The following ITPR1 variants were observed in gnomAD, a reference collection of about 807,000 sequenced individuals.
ITPR1 encodes the protein inositol 1,4,5-trisphosphate-gated calcium channel ITPR1.
In ITPR1, 96 loss-of-function variants were observed where a neutral mutation model predicts 318.4. That is an observed-to-expected ratio of 0.30 (90% confidence interval 0.26 to 0.36). The LOEUF (loss-of-function observed/expected upper bound fraction) is 0.36. Among genes scored for constraint, ITPR1 ranks in the 10% least tolerant of loss-of-function variants. The pLI is 1.00. For missense variants in ITPR1, 2,440 were observed against 3,460.2 expected (o/e 0.71, Z 7.40); for synonymous variants, 1,312 against 1,289.9 (o/e 1.02, Z -0.37).
At chr3:4,602,520 C>A (rs2874847) in intron 4 of ITPR1, among the ~76,000 whole-genome samples, 103,423 of 140,294 alleles carry the variant, frequency 0.74, 37,284 homozygotes, top group Middle Eastern at 0.79. Flanking sequence ...GGGAGTGAGA[C>A]CCTCTCAGAA....
intron 4 of ITPR1, among the ~76,000 whole-genome samples, chr3:4,558,214 C>T (rs1312196149): frequency 2.6e-5 from 4 of 151,890 alleles, no homozygotes; most frequent in African/African-American, 7.3e-5. Context: ...CAATAGAATG[C>T]CTGATATGAT....
Position 4,710,553 on chromosome 3 carries a change from A to T in ITPR1, c.4991+80A>T. 1 of 1,402,926 alleles carries T rather than the reference A, an allele frequency of 7.1e-7. No homozygotes were observed. Among genetic ancestry groups the T allele is most frequent in the Non-Finnish European group, 9.7e-7 (1 of 1,034,166 alleles). The allele number at this position is 1,402,926 out of a possible 1,614,324, so 86.9% of individuals were successfully genotyped here. Reference sequence around the variant, plus strand: ...AAAGCTTTTGTTCCCGAAGAAGGAGACGTTGTCCTGTTTTTTAACTTTGAT... The same window carrying T: ...AAAGCTTTTGTTCCCGAAGAAGGAGTCGTTGTCCTGTTTTTTAACTTTGAT... On this transcript the variant is annotated intron_variant, in intron 38 of 61. Transcript: ENST00000649015. This position sits in a 1 kb window ranked among gnomAD's most constrained non-coding sequence, Gnocchi z 4.2.
intron 60 of ITPR1, among the ~76,000 whole-genome samples, chr3:4,835,299 TTTCA>T (rs1306001108): frequency 6.6e-6 from 1 of 152,020 alleles, no homozygotes; most frequent in Non-Finnish European, 1.5e-5. Flanking sequence ...TCTCATGGAG[TTTCA>T]TTATTTTAAA....
chr3:4,643,051 A>C (rs1321886201), intron 7 of ITPR1, among the ~76,000 whole-genome samples: 4 of 152,214 alleles, frequency 2.6e-5, no homozygotes, highest in Admixed American at 1.3e-4. Context: ...AAGCTTTGGG[A>C]AGTTTAAATA....
At chr3:4,798,979 T>C (rs1338260812) in intron 53 of ITPR1, among the ~76,000 whole-genome samples, 1 of 152,126 alleles carries the variant, frequency 6.6e-6, no homozygotes, top group Non-Finnish European at 1.5e-5. Context: ...ACTTTTAGAG[T>C]GATAAAAATG....
chr3:4,524,328 T>C (rs1005000122), intron 4 of ITPR1, among the ~76,000 whole-genome samples: 1 of 126,814 alleles, frequency 7.9e-6, no homozygotes, highest in Non-Finnish European at 1.7e-5. Context: ...TTTTTTTTTT[T>C]AAATGAAGAG....
chr3:4,588,565 G>A (rs775805606), intron 4 of ITPR1, among the ~76,000 whole-genome samples: 14 of 151,882 alleles, frequency 9.2e-5, no homozygotes, highest in Non-Finnish European at 1.9e-4. Flanking sequence ...TTCGGCCTTG[G>A]CTCTCATCTC....
intron 25 of ITPR1, 92 bp from the exon 26 acceptor site, chr3:4,681,272 A>T (rs4684438): frequency 8.2e-6 from 7 of 858,870 alleles, no homozygotes; most frequent in Non-Finnish European, 1.4e-5. Flanking sequence ...GGTTAACTCA[A>T]CAGCTTTACC....
In ITPR1 at chr3:4,740,030, A is replaced by G. The variant is rs1227110620; in HGVS notation, c.5544+4676A>G. On this transcript the variant is annotated intron_variant, in intron 44 of 61. Transcript: ENST00000649015. ...CAAAGCCTGGGTTTAGAATTCCTAG[A>G]ATATCACTTCTATCACATTCTATTG... Among the ~76,000 whole-genome samples the G allele has an allele frequency of 2.0e-5, 3 of 152,196 alleles. No individual in the cohort carries two copies. The East Asian group carries it at 5.8e-4, about 29-fold the overall frequency.
At chr3:4,691,715 A>G (rs1398366659) in intron 32 of ITPR1, among the ~76,000 whole-genome samples, 1 of 152,240 alleles carries the variant, frequency 6.6e-6, no homozygotes, top group African/African-American at 2.4e-5. Flanking sequence ...CTAATTAATT[A>G]GATGGAAAAA....
At chr3:4,635,502 G>A (rs1050571907) in intron 5 of ITPR1, among the ~76,000 whole-genome samples, 9 of 151,542 alleles carry the variant, frequency 5.9e-5, no homozygotes, top group African/African-American at 9.7e-5. Flanking sequence ...CACCACGCCC[G>A]GCTAATTTTT....
At chr3:4,594,270 C>T (rs1385784282) in intron 4 of ITPR1, among the ~76,000 whole-genome samples, 2 of 152,156 alleles carry the variant, frequency 1.3e-5, no homozygotes, top group Admixed American at 1.3e-4. Context: ...CTCACGCAAT[C>T]GGGCTGAAGT....
In ITPR1 at chr3:4,639,442, C is replaced by T. The variant is rs2125149051; in HGVS notation, c.338C>T (p.Thr113Ile). ...NETENRKLLG[T>I]VIQYGNVIQL... Reference sequence around the variant, plus strand: ...ACAGAAAACAGGAAATTGCTGGGGACCGTAATCCAGTATGGCAATGTGATC... The same window carrying T: ...ACAGAAAACAGGAAATTGCTGGGGATCGTAATCCAGTATGGCAATGTGATC... Residue 113 changes from threonine (T) to isoleucine (I), a missense_variant, in exon 6 of 62, where the codon ACC (threonine) becomes ATC (isoleucine). Physicochemically the swap from Thr to Ile is moderately conservative, Grantham distance 89. Around this residue, in one of 23 missense-constraint regions of ITPR1, gnomAD observed 186 missense variants for 323.9 expected, o/e 0.57. Transcript: ENST00000649015. 1 of 1,582,244 alleles carries T rather than the reference C, an allele frequency of 6.3e-7. No individual in the cohort carries two copies. The highest frequency in any genetic ancestry group is 8.6e-7 in the Non-Finnish European group (1 of 1,163,784).
chr3:4,659,184 A>G (rs918375766), intron 13 of ITPR1, among the ~76,000 whole-genome samples: 4 of 152,172 alleles, frequency 2.6e-5, no homozygotes, highest in African/African-American at 9.7e-5. Context: ...CTCGTGAAGT[A>G]TTAGTTGTGT....
chr3:4,688,651 A>G (rs752896877), intron 31 of ITPR1, 31 bp downstream of exon 31: 3 of 1,602,396 alleles, frequency 1.9e-6, no homozygotes, highest in Non-Finnish European at 2.6e-6. Context: ...GCAAATCTAT[A>G]GAGGGAGGAG....
intron 54 of ITPR1, among the ~76,000 whole-genome samples, chr3:4,802,825 T>TAA (rs529196175): frequency 7.1e-6 from 1 of 141,114 alleles, no homozygotes; most frequent in East Asian, 2.0e-4. Flanking sequence ...TGAGACTGAT[T>TAA]AAAAAAAAAA....
chr3:4,845,720 G>T (rs1048896893), intron 61 of ITPR1, among the ~76,000 whole-genome samples: 1 of 152,112 alleles, frequency 6.6e-6, no homozygotes, highest in African/African-American at 2.4e-5. Flanking sequence ...CACTGAAAGT[G>T]TGGACACGAA....
chr3:4,717,240 T>C (rs1436259744), intron 39 of ITPR1, 127 bp from the exon 40 acceptor site: 1 of 821,484 alleles, frequency 1.2e-6, no homozygotes, highest in Non-Finnish European at 2.0e-6. Context: ...CCTCTTAGGA[T>C]GGTTACCCAT....
At chr3:4,718,632 T>C (rs2041935777) in intron 40 of ITPR1, among the ~76,000 whole-genome samples, 1 of 152,246 alleles carries the variant, frequency 6.6e-6, no homozygotes, top group South Asian at 2.1e-4. Context: ...GCTTTCCTGA[T>C]GTGCTTACTG....
Sources: allele counts gnomAD v4.1 joint callset (sites outside exome capture counted in the v4.1 genomes callset), GRCh38; gene constraint gnomAD v4.1.1; regional missense constraint gnomAD v4.1.1; non-coding constraint Gnocchi (gnomAD v3.1); transcripts MANE v1.5; gene names NCBI Gene and HGNC (gene_info 2026-07-23, HGNC 2026-07-21).